Variants in SHTN1 observed in about 807,000 individuals in gnomAD.
SHTN1 encodes shootin 1, also known as shootin-1.
SHTN1 carries 42 observed loss-of-function variants against 83.1 expected under a neutral mutation model. That is an observed-to-expected ratio of 0.51 (90% CI 0.39 to 0.65). SHTN1 has a LOEUF of 0.65. Among genes scored for constraint, SHTN1 ranks in the 30% least tolerant of loss-of-function variants. The pLI is 0.00. For synonymous variants in SHTN1, 224 were observed against 247.7 expected (o/e 0.90, Z 0.90); for missense variants, 622 against 737.8 (o/e 0.84, Z 1.82).
intron 16 of SHTN1, chr10:116,900,194 C>T (rs962070741): frequency 1.4e-5 from 3 of 219,754 alleles, no homozygotes; most frequent in East Asian, 1.9e-4. Context: ...TGTCAAGAAC[C>T]GAATAATCGA....
At chr10:116,932,433 G>C (rs956194189) in intron 9 of SHTN1, among the ~76,000 whole-genome samples, 1 of 152,140 alleles carries the variant, frequency 6.6e-6, no homozygotes, top group African/African-American at 2.4e-5. Flanking sequence ...CTGATGATCT[G>C]AGGTGGTACA....
At chr10:116,910,391 A>C (rs970771321) in intron 14 of SHTN1, among the ~76,000 whole-genome samples, 1 of 152,226 alleles carries the variant, frequency 6.6e-6, no homozygotes, top group Non-Finnish European at 1.5e-5. Flanking sequence ...GATGTCTTAA[A>C]ATTTTTTATA....
At chr10:117,039,435 T>C (rs1441658759) in intron 2 of SHTN1, among the ~76,000 whole-genome samples, 1 of 152,150 alleles carries the variant, frequency 6.6e-6, no homozygotes, top group Non-Finnish European at 1.5e-5. Flanking sequence ...TCCAAACCCA[T>C]AGGCTCTACA....
chr10:117,121,343 C>T (rs1017122835), intron 1 of SHTN1, among the ~76,000 whole-genome samples: 8 of 151,370 alleles, frequency 5.3e-5, no homozygotes, highest in Non-Finnish European at 8.8e-5. Context: ...TTTGGGAGGC[C>T]GAGGTGGGAG....
chr10:116,907,339 G>A (rs1438510338), intron 14 of SHTN1, among the ~76,000 whole-genome samples: 2 of 152,192 alleles, frequency 1.3e-5, no homozygotes, highest in African/African-American at 4.8e-5. Context: ...ATCATACAGA[G>A]AGGCAAGCAA....
chr10:116,994,576 T>C (rs1038149236), intron 1 of SHTN1, among the ~76,000 whole-genome samples: 1 of 152,160 alleles, frequency 6.6e-6, no homozygotes, highest in African/African-American at 2.4e-5. Flanking sequence ...TTCCCTGTGC[T>C]TCACATTGTC....
At chr10:117,018,594 T>C (rs4460739) in intron 2 of SHTN1, among the ~76,000 whole-genome samples, 137,401 of 140,468 alleles carry the variant, frequency 0.98, 67,257 homozygotes, top group Non-Finnish European at 1. Flanking sequence ...TTTTTTGAGA[T>C]GGAGTCTTGC....
chr10:116,973,933 C>G, intron 2 of SHTN1: 1 of 1,276,278 alleles, frequency 7.8e-7, no homozygotes, highest in East Asian at 5.7e-5. Flanking sequence ...TACTGCTCCA[C>G]CTATGTAAGT....
At position 117,086,210 on chromosome 10, in the gene SHTN1, G is replaced by A. The variant is rs1020539964; in HGVS notation, c.-188-37700C>T. On this transcript the variant is annotated intron_variant, in intron 1 of 17. Coordinates refer to the SHTN1 transcript ENST00000392901. ...TGGGATTACAGGCGTGAGCCACCGC[G>A]TCCATCATGAGCCACCGCGCCCGGC... Among the ~76,000 whole-genome samples the A allele has an allele frequency of 6.6e-5, 10 of 152,158 alleles. No individual in the cohort carries two copies. In the South Asian group the frequency reaches 1.0e-3, roughly 16 times the overall value.
intron 2 of SHTN1, among the ~76,000 whole-genome samples, chr10:117,042,154 G>A (rs148009617): frequency 1.3e-5 from 2 of 152,304 alleles, no homozygotes; most frequent in East Asian, 3.9e-4. Flanking sequence ...GATATTTACA[G>A]GCCATCTTTA....
At chr10:117,066,896 A>C (rs1853009135) in intron 1 of SHTN1, among the ~76,000 whole-genome samples, 2 of 152,230 alleles carry the variant, frequency 1.3e-5, no homozygotes, top group Admixed American at 1.3e-4. Context: ...TAAAAGCTAC[A>C]AAAGGAGTAA....
chr10:116,956,043 A>G (rs1383607061), intron 4 of SHTN1, among the ~76,000 whole-genome samples: 2 of 152,342 alleles, frequency 1.3e-5, no homozygotes, highest in East Asian at 3.9e-4. Context: ...AAACTATCCC[A>G]TCTTTTAGGA....
At chr10:116,970,490 C>T (rs762660788) in intron 2 of SHTN1, among the ~76,000 whole-genome samples, 4 of 152,042 alleles carry the variant, frequency 2.6e-5, no homozygotes, top group African/African-American at 9.7e-5. Context: ...CCAAGGCAGG[C>T]GGATCATGAG....
At chr10:116,998,889 A>C (rs1851726808) in intron 1 of SHTN1, among the ~76,000 whole-genome samples, 1 of 152,232 alleles carries the variant, frequency 6.6e-6, no homozygotes, top group Non-Finnish European at 1.5e-5. Context: ...ACAGAGCAAG[A>C]AAATATATGT....
At chr10:116,899,506 GGTGTGTGTGTGTGTGTGTGT>G (rs370396879) in intron 16 of SHTN1, among the ~76,000 whole-genome samples, 2 of 124,582 alleles carry the variant, frequency 1.6e-5, no homozygotes, top group Admixed American at 8.7e-5. Context: ...GGCTGGGGCT[GGTGTGTGTGTGTGTGTGTGT>G]GTGTGTGTGT....
intron 16 of SHTN1, chr10:116,901,359 GTT>G: frequency 2.0e-6 from 2 of 985,046 alleles, no homozygotes; most frequent in Non-Finnish European, 2.4e-6. Flanking sequence ...AGAAAAGAAG[GTT>G]GTAAAAACGT....
intron 9 of SHTN1, among the ~76,000 whole-genome samples, chr10:116,932,372 A>C (rs1214605484): frequency 2.6e-5 from 4 of 152,172 alleles, no homozygotes; most frequent in Non-Finnish European, 4.4e-5. Context: ...CCTATTGTGA[A>C]CTGCACACGC....
chr10:116,988,896 A>G (rs2133505120), intron 1 of SHTN1, among the ~76,000 whole-genome samples: 1 of 152,278 alleles, frequency 6.6e-6, no homozygotes, highest in East Asian at 1.9e-4. Flanking sequence ...CAATCAATCA[A>G]TCAATAAAAG....
At chr10:117,064,167 AT>A (rs1235542595) in intron 1 of SHTN1, among the ~76,000 whole-genome samples, 1 of 152,216 alleles carries the variant, frequency 6.6e-6, no homozygotes, top group Non-Finnish European at 1.5e-5. Context: ...GATAAAACAA[AT>A]GTTTCAACTC....
Sources: gnomAD v4.1 joint callset for allele counts (sites outside exome capture counted in the v4.1 genomes callset) on GRCh38, gnomAD v4.1.1 for gene constraint, MANE v1.5 for transcripts, NCBI Gene and HGNC (gene_info 2026-07-23, HGNC 2026-07-21) for gene names.